RSPO2: variants seen among roughly 807,000 people sequenced by gnomAD.
RSPO2 encodes the protein R-spondin 2.
RSPO2 carries 14 observed loss-of-function variants against 30.9 expected under a neutral mutation model. The ratio of observed to expected loss-of-function variants is 0.45; its 90% CI spans 0.30 to 0.71. The LOEUF is 0.71. Ranked by LOEUF, RSPO2 falls within the 30% of genes least tolerant of loss-of-function variation. RSPO2 has a pLI of 0.08. For synonymous variants in RSPO2, 107 were observed against 96.4 expected (o/e 1.11, Z -0.64); for missense variants, 264 against 301.9 (o/e 0.87, Z 0.93).
At chr8:108,051,639 C>T (rs1269193616) in intron 2 of RSPO2, among the ~76,000 whole-genome samples, 1 of 152,128 alleles carries the variant, frequency 6.6e-6, no homozygotes, top group African/African-American at 2.4e-5. Context: ...GTACTGAATA[C>T]CATTCCAGTA....
chr8:107,918,614 A>G (rs1381927832), intron 5 of RSPO2, among the ~76,000 whole-genome samples: 1 of 152,180 alleles, frequency 6.6e-6, no homozygotes, highest in African/African-American at 2.4e-5. Flanking sequence ...CCCAGCTCCT[A>G]AGTATTCGAG....
chr8:108,059,774 TTC>T (rs1165737048), intron 2 of RSPO2, among the ~76,000 whole-genome samples: 1 of 147,158 alleles, frequency 6.8e-6, no homozygotes, highest in Non-Finnish European at 1.5e-5. Context: ...ACACCACACA[TTC>T]TCATTCATAG....
At chr8:107,931,232 C>T (rs994719670) in intron 5 of RSPO2, among the ~76,000 whole-genome samples, 2 of 152,112 alleles carry the variant, frequency 1.3e-5, no homozygotes, top group African/African-American at 4.8e-5. Context: ...CAAATTAGTG[C>T]TATTTCTTTC....
chr8:107,916,501 G>A (rs1013123440), intron 5 of RSPO2, among the ~76,000 whole-genome samples: 4 of 152,128 alleles, frequency 2.6e-5, no homozygotes, highest in Non-Finnish European at 5.9e-5. Context: ...TGAGACTACT[G>A]GAGAAACAGT....
At chr8:108,033,718 A>G (rs1811503955) in intron 2 of RSPO2, among the ~76,000 whole-genome samples, 2 of 152,142 alleles carry the variant, frequency 1.3e-5, no homozygotes, top group African/African-American at 4.8e-5. Context: ...GAGTTTTTAC[A>G]ATTTACTTGT....
intron 2 of RSPO2, among the ~76,000 whole-genome samples, chr8:108,071,054 A>G (rs968762704): frequency 6.6e-5 from 10 of 152,174 alleles, no homozygotes; most frequent in African/African-American, 2.4e-4. Flanking sequence ...ACAAAAAACG[A>G]CTGCTTGATA....
intron 5 of RSPO2, among the ~76,000 whole-genome samples, chr8:107,941,751 T>C (rs1206806609): frequency 6.6e-6 from 1 of 152,218 alleles, no homozygotes; most frequent in African/African-American, 2.4e-5. Context: ...AATTCTGAAG[T>C]GCTTCTTGAT....
At chr8:107,919,116 C>A (rs1313375270) in intron 5 of RSPO2, among the ~76,000 whole-genome samples, 2 of 152,154 alleles carry the variant, frequency 1.3e-5, no homozygotes, top group African/African-American at 2.4e-5. Context: ...AGTTGCAAAG[C>A]AGTTTCACTC....
chr8:108,038,122 G>A (rs144129984), intron 2 of RSPO2, among the ~76,000 whole-genome samples: 233 of 152,282 alleles, frequency 1.5e-3, no homozygotes, highest in African/African-American at 5.4e-3. Flanking sequence ...CCTTCTAGAC[G>A]CCATTAAAAA....
chr8:108,075,173 A>G (rs1812972041), intron 2 of RSPO2, among the ~76,000 whole-genome samples: 1 of 152,176 alleles, frequency 6.6e-6, no homozygotes, highest in Non-Finnish European at 1.5e-5. Context: ...TCTATAAAAT[A>G]AGTATTTTTT....
At chr8:108,017,415 C>G (rs1290987775) in intron 2 of RSPO2, among the ~76,000 whole-genome samples, 1 of 152,066 alleles carries the variant, frequency 6.6e-6, no homozygotes, top group Non-Finnish European at 1.5e-5. Flanking sequence ...TATAACTCTA[C>G]TAGGAGGATG....
At chr8:107,952,283 ACACATG>A (rs1452054590) in intron 5 of RSPO2, among the ~76,000 whole-genome samples, 1 of 93,152 alleles carries the variant, frequency 1.1e-5, no homozygotes, top group Non-Finnish European at 2.5e-5. Context: ...AAACACACAC[ACACATG>A]CACACACACA....
chr8:108,003,277 G>GTATA lies in RSPO2; in HGVS notation c.95-14037_95-14034dup, dbSNP rs59782097. 3.5e-3 allele frequency among the ~76,000 whole-genome samples: 197 copies of GTATA among 56,308 alleles called. 3 individuals are homozygous for GTATA. The highest frequency in any genetic ancestry group is 0.013 in the East Asian group (19 of 1,464). 36.9% of individuals were successfully genotyped at this position (56,308 alleles called of 152,430 possible). ...TGTGTGTGTGTGTGTGTGTGTGTGT[G>GTATA]TATATATATATATATATATATATAT... On this transcript the variant is annotated intron_variant, in intron 2 of 5. Coordinates refer to ENST00000276659, the MANE Select transcript of RSPO2 (RefSeq NM_178565.5).
chr8:107,935,820 T>C (rs1265893292), intron 5 of RSPO2, among the ~76,000 whole-genome samples: 1 of 152,124 alleles, frequency 6.6e-6, no homozygotes, highest in African/African-American at 2.4e-5. Flanking sequence ...ACCATTTTTT[T>C]TAAATCGATA....
intron 5 of RSPO2, 48 bp from the exon 6 acceptor site, chr8:107,901,238 C>A: frequency 6.4e-7 from 1 of 1,551,798 alleles, no homozygotes; most frequent in Non-Finnish European, 8.7e-7. Flanking sequence ...GGCTCTTTCT[C>A]TAGGAAAGAA....
chr8:108,061,313 G>T (rs200724970), intron 2 of RSPO2, among the ~76,000 whole-genome samples: 1 of 151,556 alleles, frequency 6.6e-6, no homozygotes, highest in Non-Finnish European at 1.5e-5. Context: ...AGACACACAT[G>T]GGCTCAAAAT....
chr8:107,977,664 G>A (rs79762083), intron 3 of RSPO2, among the ~76,000 whole-genome samples: 4,877 of 152,120 alleles, frequency 0.032, 243 homozygotes, highest in African/African-American at 0.098. Context: ...GGGTGGTCCT[G>A]TTTGCCATTC....
chr8:108,057,901 T>C (rs934778988), intron 2 of RSPO2, among the ~76,000 whole-genome samples: 1 of 152,220 alleles, frequency 6.6e-6, no homozygotes, highest in Non-Finnish European at 1.5e-5. Flanking sequence ...TTTCTAGATA[T>C]ACAATCATGT....
At chr8:108,016,926 C>A (rs571074214) in intron 2 of RSPO2, among the ~76,000 whole-genome samples, 72 of 152,164 alleles carry the variant, frequency 4.7e-4, no homozygotes, top group Non-Finnish European at 8.4e-4. Context: ...CAGCACCATG[C>A]TTCCCATAAA....
Sources: gnomAD v4.1 joint callset for allele counts (sites outside exome capture counted in the v4.1 genomes callset) on GRCh38, gnomAD v4.1.1 for gene constraint, MANE v1.5 for transcripts, NCBI Gene and HGNC (gene_info 2026-07-23, HGNC 2026-07-21) for gene names.